CHEK1: variants seen among roughly 807,000 people sequenced by gnomAD.
CHEK1 encodes the protein checkpoint kinase 1.
In CHEK1, 32 loss-of-function variants were observed where a neutral mutation model predicts 60.2. That is an observed-to-expected ratio of 0.53 (90% CI 0.40 to 0.71). The LOEUF (loss-of-function observed/expected upper bound fraction) is 0.71, where lower values mean the gene tolerates loss of function less well. CHEK1 is among the 30% of genes least tolerant of loss of function. The probability of loss-of-function intolerance (pLI) is 0.00; values close to 1 mark genes in which losing one functional copy is unlikely to be tolerated. For missense variants in CHEK1, 399 were observed against 564.6 expected (o/e 0.71, Z 2.97); for synonymous variants, 179 against 187.2 (o/e 0.96, Z 0.36).
At chr11:125,637,235 T>C (rs1395636444) in intron 7 of CHEK1, among the ~76,000 whole-genome samples, 7 of 152,128 alleles carry the variant, frequency 4.6e-5, no homozygotes, top group Non-Finnish European at 8.8e-5. Flanking sequence ...TTGCAAACAA[T>C]TGAGAATCAG....
At chr11:125,651,360 C>T (rs1565380465) in intron 11 of CHEK1, among the ~76,000 whole-genome samples, 1 of 150,204 alleles carries the variant, frequency 6.7e-6, no homozygotes, top group Admixed American at 6.6e-5. Flanking sequence ...TGATCTCAGC[C>T]CACTGCAACC....
chr11:125,677,173 GAAT>G (rs1429262965), downstream of CHEK1, among the ~76,000 whole-genome samples: 7 of 152,198 alleles, frequency 4.6e-5, no homozygotes, highest in Non-Finnish European at 7.3e-5. Flanking sequence ...TGAAAATTTA[GAAT>G]AATGATATTT....
chr11:125,640,741 T>A (rs1174905633), intron 8 of CHEK1, among the ~76,000 whole-genome samples: 1 of 151,990 alleles, frequency 6.6e-6, no homozygotes, highest in East Asian at 2.0e-4. Context: ...GGCTAATTTT[T>A]GTATTTTTGG....
intron 8 of CHEK1, 41 bp from the exon 9 acceptor site, chr11:125,643,751 A>G: frequency 6.6e-7 from 1 of 1,508,388 alleles, no homozygotes; most frequent in African/African-American, 1.4e-5. Flanking sequence ...ACATACTTGC[A>G]TAGAAGACTT....
At chr11:125,660,125 T>A (rs561809754), downstream of CHEK1, among the ~76,000 whole-genome samples, 2 of 152,368 alleles carry the variant, frequency 1.3e-5, no homozygotes, top group Admixed American at 1.3e-4. Context: ...TTGGTTATTA[T>A]GAATAAGGCT....
At position 125,657,125 on chromosome 11, in the gene CHEK1, A is replaced by G. The variant is rs1296239259; in HGVS notation, c.*1805A>G. The G allele has an allele frequency of 5.7e-6, 1 of 175,818 alleles. No homozygotes were observed. Among genetic ancestry groups the G allele is most frequent in the African/African-American group, 2.4e-5 (1 of 42,144 alleles). The allele number at this position is 175,818 out of a possible 1,614,324, so 10.9% of individuals were successfully genotyped here. A position where few individuals can be genotyped will look rare whatever the true frequency, so the allele number is the denominator to read the frequency against. The stretch of plus-strand genomic sequence containing the variant: ...TTTACTCCTATTATTAAAAATAAAA[A>G]TGTGTAAAATTTACTACCTGAAGAT... On this transcript the variant is annotated 3_prime_UTR_variant, in exon 13 of 13. Coordinates refer to ENST00000438015, the MANE Select transcript of CHEK1 (RefSeq NM_001114122.3).
intron 13 of CHEK1, among the ~76,000 whole-genome samples, chr11:125,665,869 C>CTTTTTTTTTTTTT (rs66560397): frequency 1.6e-4 from 5 of 30,512 alleles, no homozygotes; most frequent in Non-Finnish European, 2.3e-4. Flanking sequence ...CTTCATTCCC[C>CTTTTTTTTTTTTT]TTTTTTTTTT....
intron 13 of CHEK1, among the ~76,000 whole-genome samples, chr11:125,669,057 A>G (rs1441068516): frequency 6.6e-6 from 1 of 152,190 alleles, no homozygotes; most frequent in Non-Finnish European, 1.5e-5. Flanking sequence ...TACATTAAAA[A>G]AAAGTCTGTG....
At chr11:125,630,269 A>C (rs1940811832) in intron 5 of CHEK1, among the ~76,000 whole-genome samples, 1 of 152,120 alleles carries the variant, frequency 6.6e-6, no homozygotes, top group Non-Finnish European at 1.5e-5. Context: ...TGTCTGGTTT[A>C]ATGCTTTATT....
chr11:125,626,882 T>C, intron 2 of CHEK1, 49 bp downstream of exon 2: 1 of 1,580,812 alleles, frequency 6.3e-7, no homozygotes. Context: ...TATTCATTGT[T>C]TTGGAGTCTC....
chr11:125,643,862 A>G lies in CHEK1; in HGVS notation c.885A>G (p.Gln295=). The G allele has an allele frequency of 6.2e-7, 1 of 1,614,178 alleles. No homozygotes were observed. The highest frequency in any genetic ancestry group is 2.2e-5 in the East Asian group (1 of 44,870). The change falls in exon 9 of 13, where the codon CAA becomes CAG. Residue 295 remains glutamine (Q), a synonymous_variant. Coordinates refer to ENST00000438015, the MANE Select transcript of CHEK1 (RefSeq NM_001114122.3). ...CCAGTGGATTTTCTAAGCACATTCA[A>G]TCCAATTTGGACTTCTCTCCAGTAA... ...ESPSGFSKHI[Q]SNLDFSPVNS...
At chr11:125,630,438 G>A (rs1440133158) in intron 5 of CHEK1, among the ~76,000 whole-genome samples, 1 of 151,818 alleles carries the variant, frequency 6.6e-6, no homozygotes, top group Non-Finnish European at 1.5e-5. Context: ...AGGCCCCTGA[G>A]TAGCTGGGAT....
At chr11:125,644,781 G>T in intron 11 of CHEK1, 138 bp downstream of exon 11, 1 of 955,222 alleles carries the variant, frequency 1.0e-6, no homozygotes. Flanking sequence ...GGCTGGGGTG[G>T]GCGGATCACC....
chr11:125,640,658 C>G (rs1941266541), intron 8 of CHEK1, among the ~76,000 whole-genome samples: 2 of 152,114 alleles, frequency 1.3e-5, no homozygotes, highest in Admixed American at 1.3e-4. Context: ...AAACCTCTAC[C>G]TCCTGAGCTT....
intron 13 of CHEK1, among the ~76,000 whole-genome samples, chr11:125,674,820 A>C (rs1942409606): frequency 6.6e-6 from 1 of 152,188 alleles, no homozygotes; most frequent in South Asian, 2.1e-4. Context: ...AGAACTATTA[A>C]ATTCAAACTC....
intron 13 of CHEK1, among the ~76,000 whole-genome samples, chr11:125,666,660 A>G: frequency 6.6e-6 from 1 of 152,012 alleles, no homozygotes; most frequent in East Asian, 1.9e-4. Flanking sequence ...TTTGCTTTAT[A>G]TATTTAGGTG....
rs1253603668 is a variant in CHEK1 at position 125,625,864 on chromosome 11, G to A, written c.-169G>A. On this transcript the variant is annotated 5_prime_UTR_variant, in exon 1 of 13. Transcript: ENST00000438015. ...ATCTCCACGTCACCCTTTTGGAGCC[G>A]CCGACATTCAGAGGGGCAGGACACG... 1 of 702,648 alleles carries A rather than the reference G, an allele frequency of 1.4e-6. No homozygotes were observed. Among genetic ancestry groups the A allele is most frequent in the Non-Finnish European group, 2.6e-6 (1 of 385,014 alleles). 43.5% of individuals were successfully genotyped at this position (702,648 alleles called of 1,614,324 possible). A position where few individuals can be genotyped will look rare whatever the true frequency, so the allele number is the denominator to read the frequency against.
chr11:125,634,556 C>A (rs561845291), intron 6 of CHEK1, among the ~76,000 whole-genome samples: 1 of 151,976 alleles, frequency 6.6e-6, no homozygotes, highest in Non-Finnish European at 1.5e-5. Flanking sequence ...AACTCCTGGG[C>A]TCAAGTAATC....
downstream of CHEK1, among the ~76,000 whole-genome samples, chr11:125,677,330 A>G (rs1309888099): frequency 6.6e-6 from 1 of 152,252 alleles, no homozygotes; most frequent in Non-Finnish European, 1.5e-5. Flanking sequence ...TGGATCTAAA[A>G]GAAAATAGCT....
Sources: gnomAD v4.1 joint callset for allele counts (sites outside exome capture counted in the v4.1 genomes callset) on GRCh38, gnomAD v4.1.1 for gene constraint, MANE v1.5 for transcripts, NCBI Gene and HGNC (gene_info 2026-07-23, HGNC 2026-07-21) for gene names.